Variants in PJA2 observed in about 807,000 individuals in gnomAD.
The protein encoded by PJA2 is E3 ubiquitin-protein ligase Praja-2.
Under a neutral mutation model 69.3 loss-of-function variants are expected in PJA2, and 25 were observed. The observed-to-expected ratio is 0.36, with a 90% confidence interval of 0.26 to 0.50. PJA2 has a LOEUF of 0.50. Among genes scored for constraint, PJA2 ranks in the 20% least tolerant of loss-of-function variants. The probability of loss-of-function intolerance (pLI) is 0.96; values close to 1 mark genes in which losing one functional copy is unlikely to be tolerated. For synonymous variants in PJA2, 308 were observed against 277.8 expected, an observed-to-expected ratio of 1.11 and a Z score of -1.08; for missense variants, 809 against 830.2, an observed-to-expected ratio of 0.97 and a Z score of 0.31.
At chr5:109,396,520 A>T (rs1156468792) in intron 1 of PJA2, among the ~76,000 whole-genome samples, 1 of 143,788 alleles carries the variant, frequency 7.0e-6, no homozygotes, top group Non-Finnish European at 1.5e-5. Flanking sequence ...TCTGCCTTCC[A>T]GGTTCAAGCA....
At chr5:109,396,937 T>C (rs1747429635) in intron 1 of PJA2, among the ~76,000 whole-genome samples, 1 of 152,190 alleles carries the variant, frequency 6.6e-6, no homozygotes, top group South Asian at 2.1e-4. Flanking sequence ...ATATTGTCAG[T>C]GCTATGGTTT....
chr5:109,401,970 TG>T (rs979169116), intron 1 of PJA2, among the ~76,000 whole-genome samples: 2 of 152,164 alleles, frequency 1.3e-5, no homozygotes, highest in African/African-American at 4.8e-5. Context: ...AAGGAGAAAT[TG>T]TAAATATACA....
At chr5:109,403,843 G>A (rs143614724) in intron 1 of PJA2, among the ~76,000 whole-genome samples, 2,410 of 151,444 alleles carry the variant, frequency 0.016, 54 homozygotes, top group African/African-American at 0.053. Flanking sequence ...GGGCCAAGGC[G>A]GGCAGATCAC....
At chr5:109,341,446 G>A (rs1367792746) in intron 9 of PJA2, among the ~76,000 whole-genome samples, 6 of 136,874 alleles carry the variant, frequency 4.4e-5, no homozygotes, top group Non-Finnish European at 6.4e-5. Flanking sequence ...CCGCCCGGCA[G>A]CTGCCCCGTC....
At chr5:109,365,637 G>A (rs1002598376) in intron 5 of PJA2, among the ~76,000 whole-genome samples, 1 of 151,962 alleles carries the variant, frequency 6.6e-6, no homozygotes, top group Non-Finnish European at 1.5e-5. Context: ...AGTTCAACCA[G>A]AAATAGCTAC....
chr5:109,353,388 C>T (rs1762307962), intron 7 of PJA2, among the ~76,000 whole-genome samples: 1 of 134,302 alleles, frequency 7.4e-6, no homozygotes, highest in Non-Finnish European at 1.6e-5. Flanking sequence ...CTATAGACAT[C>T]TATATATTAG....
At chr5:109,409,974 TGGC>T, upstream of PJA2, 2 of 219,108 alleles carry the variant, frequency 9.1e-6, no homozygotes, top group South Asian at 5.2e-5. Flanking sequence ...GCGGCGGCGG[TGGC>T]GGCGGCGGAA....
chr5:109,385,090 C>T lies in PJA2; in HGVS notation c.-87-1570G>A, dbSNP rs556653033. ...TTGGCCACCCAAAGTGCTGGGATTA[C>T]AGGCATGAGCCACAGTGCCTGGCTG... On this transcript the variant is annotated intron_variant, in intron 1 of 9. Coordinates refer to ENST00000361189, the MANE Select transcript of PJA2 (RefSeq NM_014819.5). 1.4e-4 allele frequency among the ~76,000 whole-genome samples: 21 copies of T among 152,336 alleles called. No individual in the cohort carries two copies. The South Asian group carries it at 4.3e-3, about 32-fold the overall frequency.
At chr5:109,403,535 G>A (rs1300397272) in intron 1 of PJA2, among the ~76,000 whole-genome samples, 1 of 149,872 alleles carries the variant, frequency 6.7e-6, no homozygotes, top group East Asian at 2.0e-4. Context: ...ATATGAAAAA[G>A]TATCTTTCAT....
intron 9 of PJA2, 80 bp downstream of exon 9, chr5:109,344,110 A>C: frequency 1.1e-6 from 1 of 914,448 alleles, no homozygotes; most frequent in Non-Finnish European, 1.5e-6. Flanking sequence ...CAAAAAAAAA[A>C]AAAAAAAAAA....
At chr5:109,358,502 G>A (rs1178306126) in intron 6 of PJA2, among the ~76,000 whole-genome samples, 1 of 152,170 alleles carries the variant, frequency 6.6e-6, no homozygotes, top group Non-Finnish European at 1.5e-5. Context: ...TTCTGTGTGT[G>A]TGTCTTTAAT....
In PJA2 at chr5:109,335,267, A is replaced by C. The variant is rs752629955; in HGVS notation, c.*1964T>G. The stretch of plus-strand genomic sequence containing the variant: ...TCTTCTTCACAGCAGCTGTTTATAG[A>C]TAGTAGGGAGCCAAGAATGAAGGAC... On this transcript the variant is annotated 3_prime_UTR_variant, in exon 10 of 10. Coordinates refer to ENST00000361189, the MANE Select transcript of PJA2 (RefSeq NM_014819.5). 1 of 152,598 alleles carries C rather than the reference A, an allele frequency of 6.6e-6. No individual in the cohort carries two copies. Among genetic ancestry groups the C allele is most frequent in the Non-Finnish European group, 1.5e-5 (1 of 68,024 alleles). The allele number at this position is 152,598 out of a possible 1,614,324, so 9.5% of individuals were successfully genotyped here.
chr5:109,347,644 C>T (rs549625741), intron 7 of PJA2, among the ~76,000 whole-genome samples: 2 of 152,238 alleles, frequency 1.3e-5, no homozygotes, highest in African/African-American at 4.8e-5. Flanking sequence ...GGCAAATTTC[C>T]AGCAAGTTCT....
chr5:109,366,411 C>G (rs1372943952), intron 5 of PJA2, among the ~76,000 whole-genome samples: 1 of 152,172 alleles, frequency 6.6e-6, no homozygotes, highest in East Asian at 1.9e-4. Context: ...TCTTAAATTA[C>G]CAACATTCAA....
chr5:109,387,651 T>A (rs1582621186), intron 1 of PJA2, among the ~76,000 whole-genome samples: 1 of 152,344 alleles, frequency 6.6e-6, no homozygotes, highest in East Asian at 1.9e-4. Context: ...ATCAAGGACG[T>A]ATTAATTTCT....
intron 1 of PJA2, among the ~76,000 whole-genome samples, chr5:109,394,797 C>T (rs1344974856): frequency 6.6e-6 from 1 of 152,162 alleles, no homozygotes; most frequent in Non-Finnish European, 1.5e-5. Flanking sequence ...ATATATAAAA[C>T]AAGATCTCAT....
intron 9 of PJA2, among the ~76,000 whole-genome samples, chr5:109,343,273 C>CAAAAAA (rs869033444): frequency 4.1e-4 from 8 of 19,378 alleles, no homozygotes; most frequent in East Asian, 1.3e-3. Flanking sequence ...AAGGGCGGTG[C>CAAAAAA]AAAAAAAAAA....
chr5:109,347,051 G>A (rs180922159), intron 7 of PJA2, among the ~76,000 whole-genome samples: 1 of 152,240 alleles, frequency 6.6e-6, no homozygotes, highest in East Asian at 1.9e-4. Context: ...CTTGCCTTGG[G>A]CCAAGCCCAA....
At position 109,344,815 on chromosome 5, in the gene PJA2, G is replaced by A; in HGVS notation, c.1769C>T (p.Ala590Val). The A allele has an allele frequency of 6.2e-7, 1 of 1,606,250 alleles. No individual in the cohort carries two copies. The highest frequency in any genetic ancestry group is 8.5e-7 in the Non-Finnish European group (1 of 1,175,094). Residue 590 changes from alanine (A) to valine (V), a missense_variant, in exon 8 of 10, where the codon GCT becomes GTT. By Grantham distance (64) the Ala-to-Val change is moderately conservative (BLOSUM62 0). Coordinates refer to ENST00000361189, the MANE Select transcript of PJA2 (RefSeq NM_014819.5). ...TGCAAGAGACTCTAAATGGGCCAGA[G>A]CAGTCTGAAAAACAAAAGGTACAGT... ...EERLAQAMET[A>V]LAHLESLAVD...
Sources: gnomAD v4.1 joint callset for allele counts (sites outside exome capture counted in the v4.1 genomes callset) on GRCh38, gnomAD v4.1.1 for gene constraint, MANE v1.5 for transcripts, NCBI Gene and HGNC (gene_info 2026-07-23, HGNC 2026-07-21) for gene names.